The following TRPC6 variants were observed in gnomAD, a reference collection of about 807,000 sequenced individuals.
TRPC6 encodes short transient receptor potential channel 6.
A neutral mutation model predicts 90.7 loss-of-function variants in TRPC6; 55 were observed. The observed-to-expected ratio is 0.61, with a 90% CI of 0.49 to 0.76. The LOEUF (loss-of-function observed/expected upper bound fraction) is 0.76. TRPC6 is among the 30% of genes least tolerant of loss of function. The probability of loss-of-function intolerance (pLI) is 0.00; values close to 1 mark genes in which losing one functional copy is unlikely to be tolerated. For missense variants in TRPC6, 989 were observed against 1,122.7 expected (o/e 0.88, Z 1.70); for synonymous variants, 393 against 393.0 (o/e 1.00, Z 0.00).
chr11:101,540,479 T>G (rs1401741625), intron 1 of TRPC6, among the ~76,000 whole-genome samples: 2 of 152,246 alleles, frequency 1.3e-5, no homozygotes, highest in African/African-American at 2.4e-5. Flanking sequence ...GCATATGTAG[T>G]GTTAAATGAC....
At chr11:101,577,395 T>TGAC (rs1190362985) in intron 1 of TRPC6, among the ~76,000 whole-genome samples, 1 of 152,226 alleles carries the variant, frequency 6.6e-6, no homozygotes, top group Non-Finnish European at 1.5e-5. Flanking sequence ...TGTTCTGATG[T>TGAC]GACTGCCCCT....
At chr11:101,556,143 A>G (rs1220554696) in intron 1 of TRPC6, among the ~76,000 whole-genome samples, 1 of 152,184 alleles carries the variant, frequency 6.6e-6, no homozygotes, top group Admixed American at 6.5e-5. Flanking sequence ...TTAACAACCT[A>G]ATATTATACC....
intron 1 of TRPC6, among the ~76,000 whole-genome samples, chr11:101,541,320 A>G (rs1861166964): frequency 6.6e-6 from 1 of 152,196 alleles, no homozygotes; most frequent in South Asian, 2.1e-4. Context: ...TAGAAGAGTT[A>G]TGATGCTTTA....
chr11:101,553,895 A>G (rs1861504626), intron 1 of TRPC6, among the ~76,000 whole-genome samples: 1 of 152,092 alleles, frequency 6.6e-6, no homozygotes, highest in Non-Finnish European at 1.5e-5. Flanking sequence ...GACAATTGAA[A>G]GAAAAAATTA....
In TRPC6 at chr11:101,488,982, T is replaced by A; in HGVS notation, c.1248A>T (p.Gly416=). The A allele has an allele frequency of 6.2e-7, 1 of 1,614,130 alleles. No homozygotes were observed. Among genetic ancestry groups the A allele is most frequent in the Non-Finnish European group, 8.5e-7 (1 of 1,180,006 alleles). The change falls in exon 4 of 13, where the codon GGA becomes GGT. Residue 416 remains glycine (G), a synonymous_variant. Transcript: ENST00000344327. ...AGTAAATGAGAGCCAGGAAGGGCAG[T>A]CCAATGGCAACAGCAAGGACCACAA... is the stretch of plus-strand genomic sequence containing the variant. ...KFLVVLAVAI[G]LPFLALIYWF... is the part of the protein sequence containing the mutation.
At chr11:101,570,779 T>A (rs1339875749) in intron 1 of TRPC6, among the ~76,000 whole-genome samples, 1 of 152,224 alleles carries the variant, frequency 6.6e-6, no homozygotes, top group East Asian at 1.9e-4. Flanking sequence ...AACCATGTGA[T>A]GATCTCAATA....
At position 101,491,584 on chromosome 11, in the gene TRPC6, T is replaced by C; in HGVS notation, c.1100A>G (p.Lys367Arg). The change falls in exon 3 of 13, where the codon AAA becomes AGA. Residue 367 changes from lysine to arginine, a missense_variant. Physicochemically the swap from Lys to Arg is conservative, Grantham distance 26 (BLOSUM62 2). Transcript: ENST00000344327. ...TTTTACTTCATATTTAATGGCAAGT[T>C]TTAAACGGCTGAGATTTGGGCGACC... ...DHGRPNLSRL[K>R]LAIKYEVKKF... 1 of 1,614,038 alleles carries C rather than the reference T, an allele frequency of 6.2e-7. No individual in the cohort carries two copies. Among genetic ancestry groups the C allele is most frequent in the South Asian group, 1.1e-5 (1 of 91,074 alleles).
intron 1 of TRPC6, among the ~76,000 whole-genome samples, chr11:101,537,277 T>C (rs1242000523): frequency 6.6e-6 from 1 of 152,212 alleles, no homozygotes; most frequent in Non-Finnish European, 1.5e-5. Context: ...CAAGGGATGA[T>C]AGAATATTCC....
At chr11:101,564,406 T>C (rs982304233) in intron 1 of TRPC6, among the ~76,000 whole-genome samples, 7 of 152,210 alleles carry the variant, frequency 4.6e-5, no homozygotes, top group African/African-American at 1.4e-4. Flanking sequence ...CTTATGCTAA[T>C]AGTGGCACTT....
chr11:101,500,214 C>CTT (rs11417954), intron 2 of TRPC6, among the ~76,000 whole-genome samples: 2 of 138,594 alleles, frequency 1.4e-5, no homozygotes, highest in Admixed American at 1.5e-4. Flanking sequence ...TTTTTTCTTT[C>CTT]TTTTTTTTTT....
chr11:101,466,074 C>G (rs1016070191), intron 10 of TRPC6, among the ~76,000 whole-genome samples: 23 of 152,150 alleles, frequency 1.5e-4, no homozygotes, highest in African/African-American at 5.6e-4. Flanking sequence ...CACTCCAGAC[C>G]CTGTTTGCCT....
intron 1 of TRPC6, among the ~76,000 whole-genome samples, chr11:101,566,791 C>A (rs1186717500): frequency 6.6e-6 from 1 of 152,144 alleles, no homozygotes; most frequent in African/African-American, 2.4e-5. Flanking sequence ...CGGGGAACTC[C>A]CTCTCCTAGC....
intron 2 of TRPC6, among the ~76,000 whole-genome samples, chr11:101,494,878 ACACTTTTT>A (rs1365824189): frequency 2.6e-5 from 4 of 152,216 alleles, no homozygotes; most frequent in African/African-American, 9.6e-5. Flanking sequence ...TCAGAAATAC[ACACTTTTT>A]CTACTTGGGA....
At chr11:101,568,555 T>C (rs1353380951) in intron 1 of TRPC6, among the ~76,000 whole-genome samples, 4 of 152,020 alleles carry the variant, frequency 2.6e-5, no homozygotes, top group Non-Finnish European at 5.9e-5. Flanking sequence ...CCAAGACACA[T>C]AATCGTCAGA....
At chr11:101,487,966 A>G (rs1263879735) in intron 4 of TRPC6, among the ~76,000 whole-genome samples, 1 of 152,202 alleles carries the variant, frequency 6.6e-6, no homozygotes, top group Admixed American at 6.5e-5. Flanking sequence ...AGAAAACAAT[A>G]TGTTAGTAAT....
At chr11:101,501,212 C>T (rs1296283515) in intron 2 of TRPC6, among the ~76,000 whole-genome samples, 9 of 151,396 alleles carry the variant, frequency 5.9e-5, no homozygotes. Flanking sequence ...CTATCCAGCC[C>T]TCAGTGACTT....
In TRPC6 at chr11:101,473,627, CT is replaced by C; in HGVS notation, c.1890del (p.Val631SerfsTer19). 1 of 1,613,796 alleles carries C rather than the reference CT, an allele frequency of 6.2e-7. No homozygotes were observed. The highest frequency in any genetic ancestry group is 1.1e-5 in the South Asian group (1 of 91,082). On this transcript the variant is annotated frameshift_variant, in exon 7 of 13. Transcript: ENST00000344327. LOFTEE classifies it high-confidence loss of function. ...ACCATGAACTTGAAGATGTCTTTGA[CT>C]GTTCTTCCAAGTGATATCTGCAGAG... ...FGPLQISLGR[T>X]VKDIFKFMVI... is the part of the protein sequence containing the mutation.
At chr11:101,518,846 G>T (rs1175160976) in intron 1 of TRPC6, among the ~76,000 whole-genome samples, 5 of 152,228 alleles carry the variant, frequency 3.3e-5, no homozygotes, top group Admixed American at 3.3e-4. Context: ...CGCAATGGAG[G>T]ACTAGTTAGC....
chr11:101,483,282 G>GGAA, intron 4 of TRPC6, 117 bp from the exon 5 acceptor site: 1 of 1,211,966 alleles, frequency 8.3e-7, no homozygotes, highest in Non-Finnish European at 1.2e-6. Flanking sequence ...TGAGATAATT[G>GGAA]TTTATATTTA....
Sources: allele counts gnomAD v4.1 joint callset (sites outside exome capture counted in the v4.1 genomes callset), GRCh38; gene constraint gnomAD v4.1.1; transcripts MANE v1.5; gene names NCBI Gene and HGNC (gene_info 2026-07-23, HGNC 2026-07-21).